MTSS1: variants seen among roughly 807,000 people sequenced by gnomAD.
MTSS1 encodes the protein protein MTSS 1.
In MTSS1, 18 loss-of-function variants were observed where a neutral mutation model predicts 79.0. The ratio of observed to expected loss-of-function variants is 0.23; its 90% CI spans 0.16 to 0.34. The LOEUF (loss-of-function observed/expected upper bound fraction) is 0.34. Ranked by LOEUF, MTSS1 falls within the 10% of genes least tolerant of loss-of-function variation. The pLI, the probability that MTSS1 is intolerant of heterozygous loss-of-function variation, is 1.00. For synonymous variants in MTSS1, 341 were observed against 368.6 expected (o/e 0.93, Z 0.86); for missense variants, 815 against 986.2 (o/e 0.83, Z 2.33).
chr8:124,557,896 G>C lies in MTSS1; in HGVS notation c.1036-21C>G, dbSNP rs374839512. On this transcript the variant is annotated intron_variant, in intron 10 of 13. Coordinates refer to ENST00000518547, the MANE Select transcript of MTSS1 (RefSeq NM_014751.6). ...GACAACTGGAAACAAACAAAAAAAG[G>C]GGGGGGGAAGGAAAAAAAATTAATA... is the stretch of plus-strand genomic sequence containing the variant. 85 of 1,529,712 alleles carry C rather than the reference G, an allele frequency of 5.6e-5. 1 individual carries two copies. Among genetic ancestry groups the C allele is most frequent in the Non-Finnish European group, 6.7e-5 (75 of 1,125,352 alleles). The allele number at this position is 1,529,712 out of a possible 1,614,324, so 94.8% of individuals were successfully genotyped here.
intron 9 of MTSS1, 133 bp from the exon 10 acceptor site, chr8:124,563,125 C>T: frequency 1.3e-6 from 1 of 760,508 alleles, no homozygotes; most frequent in Non-Finnish European, 2.1e-6. Context: ...AATTAGCTCT[C>T]TGCCCTGGAG....
intron 10 of MTSS1, among the ~76,000 whole-genome samples, 165 bp downstream of exon 10, chr8:124,562,617 C>G (rs1323339676): frequency 1.3e-5 from 2 of 152,196 alleles, no homozygotes; most frequent in African/African-American, 4.8e-5. Flanking sequence ...TAGCACCTCT[C>G]CCTTTAGGGG....
intron 1 of MTSS1, among the ~76,000 whole-genome samples, chr8:124,720,747 A>C (rs1254359806): frequency 6.6e-6 from 1 of 152,224 alleles, no homozygotes. Flanking sequence ...TGGTGGAGAT[A>C]ATTACTCCAC....
At chr8:124,617,383 C>T (rs1364878182) in intron 3 of MTSS1, among the ~76,000 whole-genome samples, 1 of 152,126 alleles carries the variant, frequency 6.6e-6, no homozygotes, top group African/African-American at 2.4e-5. Flanking sequence ...CCAAAGGCCT[C>T]TGACTCCTTT....
chr8:124,615,733 T>G (rs1051354354), intron 3 of MTSS1, among the ~76,000 whole-genome samples: 1 of 152,220 alleles, frequency 6.6e-6, no homozygotes, highest in Non-Finnish European at 1.5e-5. Context: ...ATTAAAATTT[T>G]TTTAAAAACC....
At chr8:124,673,177 AAAT>A (rs1331799477) in intron 3 of MTSS1, 1 of 152,140 alleles carries the variant, frequency 6.6e-6, no homozygotes, top group African/African-American at 2.4e-5. Flanking sequence ...ACATAACATT[AAAT>A]AAGAGACCAC....
At chr8:124,593,707 C>T (rs886290237) in intron 3 of MTSS1, among the ~76,000 whole-genome samples, 39 of 152,214 alleles carry the variant, frequency 2.6e-4, no homozygotes, top group African/African-American at 9.4e-4. Flanking sequence ...CGCATCAGTA[C>T]TGTGACCATC....
chr8:124,567,696 C>A, intron 7 of MTSS1: 1 of 1,472,632 alleles, frequency 6.8e-7, no homozygotes, highest in Non-Finnish European at 9.0e-7. Flanking sequence ...ATGGAAGAAA[C>A]ATCCCATGTG....
chr8:124,713,850 C>T (rs896916743), intron 1 of MTSS1, among the ~76,000 whole-genome samples: 3 of 149,192 alleles, frequency 2.0e-5, no homozygotes, highest in Admixed American at 6.7e-5. Flanking sequence ...CAGGCCCAAG[C>T]GATCCTCCTG....
At chr8:124,578,311 A>G (rs1198706010) in intron 6 of MTSS1, among the ~76,000 whole-genome samples, 1 of 152,068 alleles carries the variant, frequency 6.6e-6, no homozygotes, top group East Asian at 1.9e-4. Flanking sequence ...ACCCTTCACC[A>G]CTGTTGCTGA....
At chr8:124,725,489 G>A (rs960072946) in intron 1 of MTSS1, among the ~76,000 whole-genome samples, 2 of 152,076 alleles carry the variant, frequency 1.3e-5, no homozygotes, top group African/African-American at 4.8e-5. Context: ...CATCACTTCT[G>A]AGAAAATAAC....
In MTSS1 at chr8:124,727,549, C is replaced by T; in HGVS notation, c.72+335G>A. ...CCCGGGCATCCAGCCCCCGCGGGTC[C>T]CAGACACTTACTTCAGGGACAGACA... On this transcript the variant is annotated intron_variant, in intron 1 of 13. Coordinates refer to ENST00000518547, the MANE Select transcript of MTSS1 (RefSeq NM_014751.6). The surrounding 1 kb of genome is among the most constrained non-coding windows in gnomAD (Gnocchi z 4.7). 1 of 495,804 alleles carries T rather than the reference C, an allele frequency of 2.0e-6. No individual in the cohort carries two copies. The highest frequency in any genetic ancestry group is 3.9e-6 in the Non-Finnish European group (1 of 253,416). The allele number at this position is 495,804 out of a possible 1,614,324, so 30.7% of individuals were successfully genotyped here. A position where few individuals can be genotyped will look rare whatever the true frequency, so the allele number is the denominator to read the frequency against.
chr8:124,605,482 G>C (rs1229551634), intron 3 of MTSS1, among the ~76,000 whole-genome samples: 1 of 151,974 alleles, frequency 6.6e-6, no homozygotes, highest in Non-Finnish European at 1.5e-5. Flanking sequence ...GTAAGAGCCT[G>C]CTACATCTAT....
intron 3 of MTSS1, among the ~76,000 whole-genome samples, chr8:124,601,608 T>C (rs1180429123): frequency 6.6e-6 from 1 of 152,234 alleles, no homozygotes; most frequent in Non-Finnish European, 1.5e-5. Context: ...CCAGAAGTCC[T>C]AAATTGGCAG....
chr8:124,619,642 C>A (rs1276794966), intron 3 of MTSS1, among the ~76,000 whole-genome samples: 1 of 151,808 alleles, frequency 6.6e-6, no homozygotes, highest in Non-Finnish European at 1.5e-5. Flanking sequence ...AATGAACCTG[C>A]ACAAAATAGA....
At chr8:124,713,603 T>C (rs934710675) in intron 1 of MTSS1, among the ~76,000 whole-genome samples, 2 of 151,984 alleles carry the variant, frequency 1.3e-5, no homozygotes, top group Non-Finnish European at 2.9e-5. Flanking sequence ...TTTGTATTTT[T>C]AGTAGAGACA....
At chr8:124,705,550 A>G (rs1166180151) in intron 1 of MTSS1, among the ~76,000 whole-genome samples, 1 of 152,134 alleles carries the variant, frequency 6.6e-6, no homozygotes, top group Non-Finnish European at 1.5e-5. Flanking sequence ...TGCAGAACAG[A>G]GCGTAAATGT....
chr8:124,558,026 G>T, intron 10 of MTSS1, 151 bp from the exon 11 acceptor site: 1 of 627,756 alleles, frequency 1.6e-6, no homozygotes, highest in Non-Finnish European at 2.7e-6. Flanking sequence ...GCTCACGGAT[G>T]ATCTGTGATG....
chr8:124,671,394 TCCTCC>T (rs1824184011), intron 3 of MTSS1, among the ~76,000 whole-genome samples: 1 of 152,022 alleles, frequency 6.6e-6, no homozygotes, highest in Non-Finnish European at 1.5e-5. Context: ...TGCTAGACTG[TCCTCC>T]CTCTTTCCAC....
Sources: allele counts gnomAD v4.1 joint callset (sites outside exome capture counted in the v4.1 genomes callset), GRCh38; gene constraint gnomAD v4.1.1; non-coding constraint Gnocchi (gnomAD v3.1); transcripts MANE v1.5; gene names NCBI Gene and HGNC (gene_info 2026-07-23, HGNC 2026-07-21).